Variants in CNTLN observed in about 807,000 individuals in gnomAD.
The protein encoded by CNTLN is centlein.
CNTLN carries 212 observed loss-of-function variants against 180.0 expected under a neutral mutation model. That is an observed-to-expected ratio of 1.18 (90% CI 1.05 to 1.32). The LOEUF (loss-of-function observed/expected upper bound fraction) is 1.32. Among genes scored for constraint, CNTLN ranks in the 40% most tolerant of loss-of-function variants. The pLI, the probability that CNTLN is intolerant of heterozygous loss-of-function variation, is 0.00. For missense variants in CNTLN, 2,095 were observed against 1,610.9 expected (o/e 1.30, Z -5.14); for synonymous variants, 722 against 563.1 (o/e 1.28, Z -3.99).
At chr9:17,295,974 G>GAGAGAGAC (rs1433145684) in intron 6 of CNTLN, among the ~76,000 whole-genome samples, 11 of 71,528 alleles carry the variant, frequency 1.5e-4, no homozygotes, top group African/African-American at 7.5e-4. Flanking sequence ...TTCAGTGAGA[G>GAGAGAGAC]AGAGAGAGAG....
chr9:17,349,543 A>G (rs1822189859), intron 12 of CNTLN, among the ~76,000 whole-genome samples: 1 of 152,198 alleles, frequency 6.6e-6, no homozygotes, highest in Non-Finnish European at 1.5e-5. Flanking sequence ...AATTTACAAA[A>G]TATAGTTAAA....
chr9:17,227,983 G>A (rs1202800966), intron 3 of CNTLN, among the ~76,000 whole-genome samples: 1 of 151,990 alleles, frequency 6.6e-6, no homozygotes, highest in Non-Finnish European at 1.5e-5. Flanking sequence ...AGCCAGACAT[G>A]GCAGACATCA....
chr9:17,440,863 A>G (rs186975602), intron 18 of CNTLN, among the ~76,000 whole-genome samples: 80 of 152,338 alleles, frequency 5.3e-4, no homozygotes, highest in African/African-American at 1.5e-3. Context: ...GTATGATTCT[A>G]CTTATATAAA....
At position 17,503,866 on chromosome 9, in the gene CNTLN, T is replaced by C. The variant is rs1211639211; in HGVS notation, c.*1214T>C. 3 of 152,774 alleles carry C rather than the reference T, an allele frequency of 2.0e-5. No homozygotes were observed. Among genetic ancestry groups the C allele is most frequent in the Non-Finnish European group, 4.4e-5 (3 of 68,026 alleles). 9.5% of individuals were successfully genotyped at this position (152,774 alleles called of 1,614,324 possible). A position where few individuals can be genotyped will look rare whatever the true frequency, so the allele number is the denominator to read the frequency against. ...AAGGAGAATAATATTTTGTAGCATG[T>C]GAAAATTATATAAAATTCAAATTTT... is the stretch of plus-strand genomic sequence containing the variant. On this transcript the variant is annotated 3_prime_UTR_variant, in exon 26 of 26. Transcript: ENST00000380647.
chr9:17,215,470 G>T (rs570937739), intron 2 of CNTLN, among the ~76,000 whole-genome samples: 4 of 146,106 alleles, frequency 2.7e-5, no homozygotes, highest in Admixed American at 6.6e-5. Flanking sequence ...CTACTAGGGG[G>T]TGCCTCCCAG....
In CNTLN at chr9:17,340,809, C is replaced by A; in HGVS notation, c.1645-18C>A. ...CTTTCTTCAAACTTATATATACTTG[C>A]TTTTTTGTGTTCTACAGAGCCAAGA... is the stretch of plus-strand genomic sequence containing the variant. On this transcript the variant is annotated intron_variant, in intron 10 of 25. Coordinates refer to ENST00000380647, the MANE Select transcript of CNTLN (RefSeq NM_017738.4). 6.3e-7 allele frequency: 1 copy of A among 1,594,864 alleles called. No individual in the cohort carries two copies. The highest frequency in any genetic ancestry group is 8.5e-7 in the Non-Finnish European group (1 of 1,172,196).
At chr9:17,388,666 AAT>A (rs1312198117) in intron 14 of CNTLN, among the ~76,000 whole-genome samples, 1 of 151,908 alleles carries the variant, frequency 6.6e-6, no homozygotes, top group Non-Finnish European at 1.5e-5. Flanking sequence ...GTAAAATGGT[AAT>A]ATGTTTATAG....
intron 14 of CNTLN, among the ~76,000 whole-genome samples, chr9:17,393,799 A>T (rs1405461452): frequency 6.6e-6 from 1 of 152,162 alleles, no homozygotes; most frequent in Non-Finnish European, 1.5e-5. Context: ...AATTGCCCAG[A>T]CTTATGATAC....
intron 2 of CNTLN, among the ~76,000 whole-genome samples, chr9:17,153,870 C>G (rs958409834): frequency 4.6e-5 from 7 of 152,050 alleles, no homozygotes; most frequent in African/African-American, 1.4e-4. Context: ...TCTTTTTTCT[C>G]TAATCTTGTC....
chr9:17,409,612 T>C (rs1268938046), intron 16 of CNTLN, 139 bp downstream of exon 16: 1 of 604,764 alleles, frequency 1.7e-6, no homozygotes, highest in South Asian at 3.5e-5. Flanking sequence ...AGTGAAAATA[T>C]TCACTTTTAA....
intron 2 of CNTLN, among the ~76,000 whole-genome samples, chr9:17,150,612 A>G (rs190109706): frequency 1.6e-3 from 242 of 152,294 alleles, no homozygotes; most frequent in Admixed American, 0.013. Context: ...CTTCTTGCCC[A>G]GGAGTGTCTT....
intron 2 of CNTLN, chr9:17,166,800 C>A: frequency 8.0e-6 from 3 of 376,314 alleles, no homozygotes; most frequent in South Asian, 2.1e-5. Flanking sequence ...TCTCACATCT[C>A]CCATTACATA....
intron 6 of CNTLN, among the ~76,000 whole-genome samples, chr9:17,280,019 G>C (rs1357541654): frequency 6.6e-6 from 1 of 152,070 alleles, no homozygotes; most frequent in African/African-American, 2.4e-5. Context: ...GTCCCCATGA[G>C]GAAGAAGGTC....
At chr9:17,310,681 C>T (rs1284767702) in intron 8 of CNTLN, among the ~76,000 whole-genome samples, 6 of 152,138 alleles carry the variant, frequency 3.9e-5, no homozygotes, top group African/African-American at 1.4e-4. Flanking sequence ...AGTTTTACTA[C>T]CACCAACAAT....
intron 3 of CNTLN, among the ~76,000 whole-genome samples, chr9:17,232,452 T>C (rs1824873043): frequency 1.3e-5 from 2 of 151,712 alleles, no homozygotes; most frequent in Non-Finnish European, 1.5e-5. Context: ...ATGAAAGGAC[T>C]CTCTATTGGT....
intron 15 of CNTLN, among the ~76,000 whole-genome samples, chr9:17,404,716 C>G (rs937179199): frequency 2.0e-5 from 3 of 149,238 alleles, no homozygotes; most frequent in African/African-American, 5.0e-5. Context: ...CCATTCATCC[C>G]TTCATCATCC....
At chr9:17,302,039 T>C in intron 7 of CNTLN, 1 of 985,258 alleles carries the variant, frequency 1.0e-6, no homozygotes, top group Non-Finnish European at 1.2e-6. Flanking sequence ...CATTTCTTTG[T>C]CAGTTCAGAC....
chr9:17,488,154 G>A (rs1832982421), intron 25 of CNTLN, among the ~76,000 whole-genome samples: 1 of 152,100 alleles, frequency 6.6e-6, no homozygotes, highest in South Asian at 2.1e-4. Flanking sequence ...GTAAAGTCGA[G>A]AATAAATAAA....
At chr9:17,498,558 G>T (rs902656826) in intron 25 of CNTLN, among the ~76,000 whole-genome samples, 1 of 152,110 alleles carries the variant, frequency 6.6e-6, no homozygotes, top group Non-Finnish European at 1.5e-5. Flanking sequence ...ATAGACCGAG[G>T]CAAACTTTGT....
Sources: gnomAD v4.1 joint callset for allele counts (sites outside exome capture counted in the v4.1 genomes callset) on GRCh38, gnomAD v4.1.1 for gene constraint, MANE v1.5 for transcripts, NCBI Gene and HGNC (gene_info 2026-07-23, HGNC 2026-07-21) for gene names.